LTBP2: variants seen among roughly 807,000 people sequenced by gnomAD.
LTBP2 encodes latent-transforming growth factor beta-binding protein 2.
In LTBP2, 103 loss-of-function variants were observed where a neutral mutation model predicts 210.6. The observed-to-expected ratio is 0.49, with a 90% CI of 0.42 to 0.58. LTBP2 has a LOEUF of 0.58. LTBP2 is among the 20% of genes least tolerant of loss of function. The pLI, the probability that LTBP2 is intolerant of heterozygous loss-of-function variation, is 0.00. For synonymous variants in LTBP2, 1,007 were observed against 1,015.0 expected (o/e 0.99, Z 0.15); for missense variants, 2,313 against 2,494.5 (o/e 0.93, Z 1.55).
chr14:74,502,097 C>T, intron 34 of LTBP2: 1 of 282,040 alleles, frequency 3.5e-6, no homozygotes, highest in Non-Finnish European at 6.9e-6. Context: ...CACACCCTAC[C>T]CAGAGGTATG....
rs2088611952 is a variant in LTBP2, at chr14:74,611,651, G to A, written c.294C>T (p.Pro98=). ...AQPGWGSPRR[P]TEAEARRPSR... ...ACGGCCTCCTGGCCTCCGCCTCGGT[G>A]GGCCTCCTGGGGCTCCCCCAGCCCG... The change falls in exon 1 of 36, where the codon CCC becomes CCT. Residue 98 remains proline (P), a synonymous_variant. Transcript: ENST00000261978. 1.3e-6 allele frequency: 2 copies of A among 1,556,286 alleles called. No homozygotes were observed. The highest frequency in any genetic ancestry group is 2.7e-5 in the African/African-American group (2 of 73,598).
At chr14:74,590,288 T>C (rs2088264119) in intron 2 of LTBP2, among the ~76,000 whole-genome samples, 1 of 152,164 alleles carries the variant, frequency 6.6e-6, no homozygotes, top group Admixed American at 6.5e-5. Flanking sequence ...GCAATCCCAC[T>C]ACTGAGTAAA....
chr14:74,563,550 A>G (rs1268705425), intron 3 of LTBP2, among the ~76,000 whole-genome samples: 2 of 152,216 alleles, frequency 1.3e-5, no homozygotes, highest in African/African-American at 4.8e-5. Context: ...AAAGCACAAC[A>G]GCCCAATCCC....
chr14:74,602,863 A>G (rs1192819664), intron 2 of LTBP2, among the ~76,000 whole-genome samples: 1 of 152,240 alleles, frequency 6.6e-6, no homozygotes, highest in Non-Finnish European at 1.5e-5. Context: ...ATCCTGGTAG[A>G]GTGGCTAACA....
intron 3 of LTBP2, among the ~76,000 whole-genome samples, chr14:74,566,493 C>T (rs74366409): frequency 6.6e-6 from 1 of 152,210 alleles, no homozygotes; most frequent in Non-Finnish European, 1.5e-5. Context: ...GCTTGGTCTC[C>T]CCTGAGGATC....
In LTBP2 at chr14:74,611,687, C is replaced by G. The variant is rs1253796442; in HGVS notation, c.258G>C (p.Glu86Asp). Residue 86 changes from glutamate to aspartate, a missense_variant, in exon 1 of 36, where the codon GAG (glutamate) becomes GAC (aspartate). Physicochemically the swap from Glu to Asp is conservative, Grantham distance 45. Around this residue, in one of 3 missense-constraint regions of LTBP2, gnomAD observed 1,867 missense variants for 1,976.9 expected, o/e 0.94. Transcript: ENST00000261978. ...GGCTCCCCCAGCCCGGCTGGGCCCG[C>G]TCCACGGGCTGCAAGCCCGCGACAG... ...DAPVAGLQPVERAQPGWGSPR... is the reference protein window; with the variant it reads ...DAPVAGLQPVDRAQPGWGSPR... 8 of 1,577,810 alleles carry G rather than the reference C, an allele frequency of 5.1e-6. No homozygotes were observed. The highest frequency in any genetic ancestry group is 5.1e-6 in the Non-Finnish European group (6 of 1,168,346).
chr14:74,506,311 A>G, intron 27 of LTBP2, 120 bp from the exon 28 acceptor site: 1 of 1,359,834 alleles, frequency 7.4e-7, no homozygotes, highest in Non-Finnish European at 1.0e-6. Context: ...AACAAGAGTA[A>G]GTATAGATTT....
At position 74,528,524 on chromosome 14, in the gene LTBP2, A is replaced by G. The variant is rs371160060; in HGVS notation, c.2327T>C (p.Val776Ala). ...CCCGGCCTCAAGCCAGGTGTCCGTG[A>G]CGACCCGGAGGGGCTGCCTCTCTGC... ...GPAERQPLRVVTDTWLEAGTI... is the reference protein window; with the variant it reads ...GPAERQPLRVATDTWLEAGTI... Residue 776 changes from valine (V) to alanine (A), a missense_variant, in exon 12 of 36, where the codon GTC becomes GCC. Physicochemically the swap from Val to Ala is moderately conservative, Grantham distance 64 (BLOSUM62 0). Transcript: ENST00000261978. The G allele has an allele frequency of 6.8e-6, 11 of 1,612,200 alleles. No individual in the cohort carries two copies. The African/African-American group carries it at 1.3e-4, about 20-fold the overall frequency.
intron 3 of LTBP2, among the ~76,000 whole-genome samples, chr14:74,573,856 T>A (rs1032494256): frequency 5.3e-5 from 8 of 152,166 alleles, no homozygotes; most frequent in African/African-American, 1.7e-4. Flanking sequence ...TGACCACAGC[T>A]CTGCGCAGCC....
intron 24 of LTBP2, 110 bp from the exon 25 acceptor site, chr14:74,508,205 CT>C: frequency 7.3e-7 from 1 of 1,372,512 alleles, no homozygotes; most frequent in Non-Finnish European, 1.0e-6. Context: ...CAGGGAGTGG[CT>C]TATGTAGGAA....
intron 1 of LTBP2, among the ~76,000 whole-genome samples, chr14:74,604,168 A>C (rs201030964): frequency 2.1e-4 from 31 of 147,072 alleles, no homozygotes; most frequent in African/African-American, 7.2e-4. Context: ...TCTCACCAAA[A>C]AAAAAAAAAA....
At chr14:74,591,087 C>T (rs1445657766) in intron 2 of LTBP2, among the ~76,000 whole-genome samples, 1 of 152,228 alleles carries the variant, frequency 6.6e-6, no homozygotes, top group Non-Finnish European at 1.5e-5. Flanking sequence ...CCACGACTCA[C>T]TTAGCTCTGG....
At chr14:74,546,151 C>A (rs946343703) in intron 8 of LTBP2, among the ~76,000 whole-genome samples, 4 of 152,192 alleles carry the variant, frequency 2.6e-5, no homozygotes, top group African/African-American at 9.6e-5. Context: ...TTTGCTAGAA[C>A]ACTTTACTGG....
intron 1 of LTBP2, 125 bp from the exon 2 acceptor site, chr14:74,603,830 G>T: frequency 1.3e-6 from 1 of 779,628 alleles, no homozygotes; most frequent in South Asian, 1.4e-5. Context: ...TGGGAAGGCT[G>T]TCCCTATTCT....
chr14:74,579,620 C>T (rs1054801662), intron 3 of LTBP2, among the ~76,000 whole-genome samples: 10 of 152,232 alleles, frequency 6.6e-5, no homozygotes, highest in African/African-American at 1.7e-4. Context: ...TGCTGCCATA[C>T]GCTCCCAGCA....
intron 18 of LTBP2, 109 bp from the exon 19 acceptor site, chr14:74,511,473 C>A (rs2087070945): frequency 7.3e-7 from 1 of 1,365,550 alleles, no homozygotes; most frequent in East Asian, 2.3e-5. Flanking sequence ...GAGGGATGGA[C>A]AGAGGGAAAC....
intron 17 of LTBP2, among the ~76,000 whole-genome samples, chr14:74,521,371 C>T (rs1469511102): frequency 1.3e-5 from 2 of 152,188 alleles, no homozygotes; most frequent in East Asian, 1.9e-4. Context: ...TGTTTTGCAT[C>T]ATTAAAGGGT....
At chr14:74,592,862 G>A (rs916561149) in intron 2 of LTBP2, among the ~76,000 whole-genome samples, 4 of 152,146 alleles carry the variant, frequency 2.6e-5, no homozygotes, top group African/African-American at 7.2e-5. Flanking sequence ...TCGGACAACC[G>A]GAAGACTACA....
At chr14:74,582,507 A>G (rs553638963) in intron 3 of LTBP2, among the ~76,000 whole-genome samples, 2 of 151,980 alleles carry the variant, frequency 1.3e-5, no homozygotes, top group East Asian at 3.9e-4. Flanking sequence ...GATCCTGCCC[A>G]TTGACAGCTA....
Sources: gnomAD v4.1 joint callset for allele counts (sites outside exome capture counted in the v4.1 genomes callset) on GRCh38, gnomAD v4.1.1 for gene constraint, gnomAD v4.1.1 regional missense constraint, MANE v1.5 for transcripts, NCBI Gene and HGNC (gene_info 2026-07-23, HGNC 2026-07-21) for gene names.